Variants in PKD1 observed in about 807,000 individuals in gnomAD.
The protein encoded by PKD1 is polycystin 1, transient receptor potential channel interacting.
In PKD1, 81 loss-of-function variants were observed where a neutral mutation model predicts 361.7. That is an observed-to-expected ratio of 0.22 (90% CI 0.19 to 0.27). The LOEUF (loss-of-function observed/expected upper bound fraction) is 0.27, where lower values mean the gene tolerates loss of function less well. PKD1 is among the 10% of genes least tolerant of loss of function. PKD1 has a pLI of 1.00. For missense variants in PKD1, 6,399 were observed against 6,118.3 expected (o/e 1.05, Z -1.53); for synonymous variants, 3,615 against 2,818.3 (o/e 1.28, Z -8.95).
In PKD1 at chr16:2,091,802, A is replaced by G; in HGVS notation, c.11516T>C (p.Leu3839Pro). 6.2e-7 allele frequency: 1 copy of G among 1,610,896 alleles called. No homozygotes were observed. Among genetic ancestry groups the G allele is most frequent in the Non-Finnish European group, 8.5e-7 (1 of 1,179,448 alleles). The change falls in exon 41 of 46, where the codon CTG becomes CCG. Residue 3839 changes from leucine (L) to proline (P), a missense_variant. By Grantham distance (98) the Leu-to-Pro change is moderately conservative. Transcript: ENST00000262304. Reference sequence around the variant, plus strand: ...CCACCTGTTGTCCAGCCAGTTGTGCAGCTGCAGGAAGCGCAGCCGGTCGCG... The same window carrying G: ...CCACCTGTTGTCCAGCCAGTTGTGCGGCTGCAGGAAGCGCAGCCGGTCGCG... ...ESRDRLRFLQ[L>P]HNWLDNRSRA...
intron 16 of PKD1, 194 bp from the exon 17 acceptor site, chr16:2,107,142 G>A (rs1349450858): frequency 1.5e-5 from 10 of 661,006 alleles, no homozygotes; most frequent in Non-Finnish European, 2.7e-5. Context: ...GCATACACAG[G>A]GCAGAGGACA....
At position 2,091,024 on chromosome 16, in the gene PKD1, G is replaced by C; in HGVS notation, c.11863C>G (p.Gln3955Glu). The change falls in exon 43 of 46, where the codon CAG (glutamine) becomes GAG (glutamate). Residue 3955 changes from glutamine (Q) to glutamate (E), a missense_variant. Coordinates refer to ENST00000262304, the MANE Select transcript of PKD1 (RefSeq NM_001009944.3). ...CACTGGCGGTCAGCGGCACCCAGCT[G>C]GGCGAGGCGTACCAGTGCCGTGGCC... The part of the protein sequence containing the change: ...TAATALVRLA[Q>E]LGAADRQWTR... 6.5e-7 allele frequency: 1 copy of C among 1,532,520 alleles called. No homozygotes were observed. Among genetic ancestry groups the C allele is most frequent in the Non-Finnish European group, 8.7e-7 (1 of 1,145,062 alleles). 94.9% of individuals were successfully genotyped at this position (1,532,520 alleles called of 1,614,324 possible). A position where few individuals can be genotyped will look rare whatever the true frequency, so the allele number is the denominator to read the frequency against.
chr16:2,133,763 T>C (rs2092916635), intron 1 of PKD1, among the ~76,000 whole-genome samples: 1 of 147,150 alleles, frequency 6.8e-6, no homozygotes, highest in Non-Finnish European at 1.5e-5. Context: ...TGTTGCACAC[T>C]TGGGGGGCCT....
intron 11 of PKD1, 155 bp downstream of exon 11, chr16:2,114,015 G>C (rs1340595214): frequency 1.5e-6 from 1 of 664,192 alleles, no homozygotes; most frequent in African/African-American, 1.8e-5. Context: ...CCACCAGGTA[G>C]CCCGAGGAGC....
At position 2,089,831 on chromosome 16, in the gene PKD1, G is replaced by T. The variant is rs1300284182; in HGVS notation, c.12808C>A (p.Leu4270Met). Residue 4270 changes from leucine (L) to methionine (M), a missense_variant, in exon 46 of 46, where the codon CTG (leucine) becomes ATG (methionine). Transcript: ENST00000262304. ...CTGGCCCGGGCAAGGCGGCTGGGCA[G>T]TGCTGGCCGCAGGCCCGGGGATGGG... The part of the protein sequence containing the change: ...RGPSPGLRPA[L>M]PSRLARASRG... The T allele has an allele frequency of 3.1e-6, 5 of 1,604,374 alleles. No individual in the cohort carries two copies. The highest frequency in any genetic ancestry group is 4.3e-6 in the Non-Finnish European group (5 of 1,176,294).
At chr16:2,125,086 A>G (rs1476063641) in intron 1 of PKD1, among the ~76,000 whole-genome samples, 2 of 152,224 alleles carry the variant, frequency 1.3e-5, no homozygotes, top group African/African-American at 2.4e-5. Flanking sequence ...CAGCCGAGCC[A>G]TGACCTCATC....
At position 2,116,038 on chromosome 16, in the gene PKD1, C is replaced by T; in HGVS notation, c.1803G>A (p.Arg601=). The T allele has an allele frequency of 1.4e-6, 2 of 1,479,678 alleles. No individual in the cohort carries two copies. Among genetic ancestry groups the T allele is most frequent in the Non-Finnish European group, 1.8e-6 (2 of 1,102,388 alleles). 91.7% of individuals were successfully genotyped at this position (1,479,678 alleles called of 1,614,324 possible). Residue 601 remains arginine, a synonymous_variant, in exon 9 of 46, where the codon CGG becomes CGA. Transcript: ENST00000262304. The part of the protein sequence containing the change: ...TAEFGTQELR[R]PAQLRLQVYR... The stretch of plus-strand genomic sequence containing the variant: ...ACACCTGCAGCCGCAGCTGGGCGGG[C>T]CGCCGGAGCTCCTGGGTCCCAAATT...
intron 2 of PKD1, 25 bp downstream of exon 2, chr16:2,119,282 G>A: frequency 9.2e-7 from 1 of 1,088,530 alleles, no homozygotes; most frequent in East Asian, 2.6e-5. Flanking sequence ...AGCCCCGCAT[G>A]CTGGCACGAC....
Position 2,088,712 on chromosome 16 carries a change from A to T in PKD1, c.*1015T>A. 2 of 1,439,860 alleles carry T rather than the reference A, an allele frequency of 1.4e-6. No homozygotes were observed. Among genetic ancestry groups the T allele is most frequent in the Admixed American group, 4.2e-5 (2 of 47,394 alleles). 89.2% of individuals were successfully genotyped at this position (1,439,860 alleles called of 1,614,324 possible). On this transcript the variant is annotated 3_prime_UTR_variant, in exon 46 of 46. Coordinates refer to ENST00000262304, the MANE Select transcript of PKD1 (RefSeq NM_001009944.3). The stretch of plus-strand genomic sequence containing the variant: ...GCACAGACATAGAGGCACAGATTGC[A>T]GTCAGACAGCTCTTTTATTGACTTT...
intron 10 of PKD1, 188 bp downstream of exon 10, chr16:2,115,190 C>A (rs2092610169): frequency 7.9e-6 from 5 of 633,000 alleles, no homozygotes; most frequent in Non-Finnish European, 9.8e-6. Flanking sequence ...GTGCCAAGGG[C>A]CCAGGCGAGA....
At position 2,100,984 on chromosome 16, in the gene PKD1, ATTTT is replaced by A. The variant is rs967549977; in HGVS notation, c.9398-422_9398-419del. ...CCCAGTGACAGACCCAGGTGACAGT[ATTTT>A]TTTTCTTTTTTTTTTGAGATGGAGT... On this transcript the variant is annotated intron_variant, in intron 26 of 45. Transcript: ENST00000262304. This position sits in a 1 kb window ranked among gnomAD's most constrained non-coding sequence, Gnocchi z 4.4. Among the ~76,000 whole-genome samples the A allele has an allele frequency of 2.2e-4, 33 of 151,352 alleles. No individual in the cohort carries two copies. The highest frequency in any genetic ancestry group is 7.3e-4 in the African/African-American group (30 of 41,204).
chr16:2,110,419 A>G lies in PKD1; in HGVS notation c.4748T>C (p.Val1583Ala). The change falls in exon 15 of 46, where the codon GTG becomes GCG. Residue 1583 changes from valine to alanine, a missense_variant. By Grantham distance (64) the Val-to-Ala change is moderately conservative (BLOSUM62 0). Coordinates refer to ENST00000262304, the MANE Select transcript of PKD1 (RefSeq NM_001009944.3). Reference protein sequence around the residue: ...EAGSDVRYSWVLCDRCTPIPG... With the variant: ...EAGSDVRYSWALCDRCTPIPG... ...GATGGGCGTGCAGCGGTCACAGAGC[A>G]CCCAGGAATAGCGCACATCACTGCC... The G allele has an allele frequency of 6.2e-7, 1 of 1,612,560 alleles. No homozygotes were observed. Among genetic ancestry groups the G allele is most frequent in the Non-Finnish European group, 8.5e-7 (1 of 1,179,844 alleles).
rs528858096 is a variant in PKD1 at position 2,106,335 on chromosome 16, G to A, written c.7490-31C>T. 43 of 1,601,838 alleles carry A rather than the reference G, an allele frequency of 2.7e-5. 1 individual carries two copies. Among genetic ancestry groups the A allele is most frequent in the East Asian group, 4.5e-5 (2 of 44,722 alleles). The stretch of plus-strand genomic sequence containing the variant: ...GGACGGTCCCCACGGCATCACGGGA[G>A]GGCTCCGTGACGTCACAGAGTCGGG... On this transcript the variant is annotated intron_variant, in intron 18 of 45. Coordinates refer to ENST00000262304, the MANE Select transcript of PKD1 (RefSeq NM_001009944.3). This position sits in a 1 kb window ranked among gnomAD's most constrained non-coding sequence, Gnocchi z 6.5.
In PKD1 at chr16:2,105,953, G is replaced by T; in HGVS notation, c.7775C>A (p.Thr2592Asn). 6.3e-7 allele frequency: 1 copy of T among 1,599,420 alleles called. No individual in the cohort carries two copies. The highest frequency in any genetic ancestry group is 8.5e-7 in the Non-Finnish European group (1 of 1,179,606). Reference sequence around the variant, plus strand: ...CAGCAGCCCTGGGAGCACACTAGCGGTGAGCCCGTGCAGCCAGACTGTGAG... The same window carrying T: ...CAGCAGCCCTGGGAGCACACTAGCGTTGAGCCCGTGCAGCCAGACTGTGAG... ...TGLTVWLHGL[T>N]ASVLPGLLRQ... Residue 2592 changes from threonine (T) to asparagine (N), a missense_variant, in exon 20 of 46, where the codon ACC (threonine) becomes AAC (asparagine). Transcript: ENST00000262304.
rs1387184391 is a variant in PKD1 at position 2,108,011 on chromosome 16, G to A, written c.6937C>T (p.Leu2313=). ...CTGCTCCCGCGGGGCCCAAAGTTCA[G>A]CGCACACCCGCCAGCCTCCCTCTGC... is the stretch of plus-strand genomic sequence containing the variant. ...STQREAGGCA[L]NFGPRGSSTV... Residue 2313 remains leucine, a synonymous_variant, in exon 16 of 46, where the codon CTG becomes TTG. Coordinates refer to ENST00000262304, the MANE Select transcript of PKD1 (RefSeq NM_001009944.3). 1.3e-6 allele frequency: 2 copies of A among 1,548,790 alleles called. No homozygotes were observed. Among genetic ancestry groups the A allele is most frequent in the Non-Finnish European group, 8.7e-7 (1 of 1,147,828 alleles).
intron 21 of PKD1, 45 bp from the exon 22 acceptor site, chr16:2,104,687 C>G: frequency 8.8e-7 from 1 of 1,134,328 alleles, no homozygotes; most frequent in South Asian, 1.3e-5. Flanking sequence ...GGCCCCACTC[C>G]TTGCACACGC....
In PKD1 at chr16:2,090,034, C is replaced by G. The variant is rs1230285962; in HGVS notation, c.12605G>C (p.Gly4202Ala). The change falls in exon 46 of 46, where the codon GGC becomes GCC. Residue 4202 changes from glycine (G) to alanine (A), a missense_variant. By Grantham distance (60) the Gly-to-Ala change is moderately conservative. Coordinates refer to ENST00000262304, the MANE Select transcript of PKD1 (RefSeq NM_001009944.3). Reference sequence around the variant, plus strand: ...AGGCTCACACCTTGTCCCCAGCCGGCCCAGGCTCACGCTCAGCCCATCCAG... The same window carrying G: ...AGGCTCACACCTTGTCCCCAGCCGGGCCAGGCTCACGCTCAGCCCATCCAG... ...SQLDGLSVSL[G>A]RLGTRCEPEP... 1 of 1,611,004 alleles carries G rather than the reference C, an allele frequency of 6.2e-7. No individual in the cohort carries two copies. Among genetic ancestry groups the G allele is most frequent in the Non-Finnish European group, 8.5e-7 (1 of 1,179,310 alleles).
rs774596735 is a variant in PKD1 at position 2,117,655 on chromosome 16, G to C, written c.1219C>G (p.Pro407Ala). 1.9e-5 allele frequency: 31 copies of C among 1,610,274 alleles called. 1 individual carries two copies. The highest frequency in any genetic ancestry group is 2.2e-5 in the Non-Finnish European group (26 of 1,179,528). Residue 407 changes from proline to alanine, a missense_variant, in exon 6 of 46, where the codon CCC becomes GCC. Transcript: ENST00000262304. Reference sequence around the variant, plus strand: ...CCAGGGAAGATCTCCGTGTCCGAGGGGCAGAGCGGGTGCACCGCTGGAGAC... The same window carrying C: ...CCAGGGAAGATCTCCGTGTCCGAGGCGCAGAGCGGGTGCACCGCTGGAGAC... ...EPARAVHPLCPSDTEIFPGNG... is the reference protein window; with the variant it reads ...EPARAVHPLCASDTEIFPGNG...
chr16:2,090,591 C>T lies in PKD1; in HGVS notation c.12139-1G>A. On this transcript the variant is annotated splice_acceptor_variant, in intron 44 of 45. Transcript: ENST00000262304. LOFTEE classifies it high-confidence loss of function. ...GGGAGTCCACACAGGAAGACACGAGCTGCGGGGAAGGCGACACCAGTGAGG... is the reference window on the plus strand; with the variant it reads ...GGGAGTCCACACAGGAAGACACGAGTTGCGGGGAAGGCGACACCAGTGAGG... The T allele has an allele frequency of 6.2e-7, 1 of 1,608,656 alleles. No individual in the cohort carries two copies. Among genetic ancestry groups the T allele is most frequent in the Non-Finnish European group, 8.5e-7 (1 of 1,179,748 alleles).
Sources: allele counts gnomAD v4.1 joint callset (sites outside exome capture counted in the v4.1 genomes callset), GRCh38; gene constraint gnomAD v4.1.1; non-coding constraint Gnocchi (gnomAD v3.1); transcripts MANE v1.5; gene names NCBI Gene and HGNC (gene_info 2026-07-23, HGNC 2026-07-21).